Variants in TRPV4 observed in about 807,000 individuals in gnomAD.
TRPV4 encodes transient receptor potential cation channel subfamily V member 4.
Under a neutral mutation model 84.1 loss-of-function variants are expected in TRPV4, and 58 were observed. The ratio of observed to expected loss-of-function variants is 0.69; its 90% CI spans 0.56 to 0.86. The LOEUF (loss-of-function observed/expected upper bound fraction) is 0.86, where lower values mean the gene tolerates loss of function less well. Ranked by LOEUF, TRPV4 falls within the 40% of genes least tolerant of loss-of-function variation. The pLI is 0.00. For synonymous variants in TRPV4, 489 were observed against 500.9 expected (o/e 0.98, Z 0.32); for missense variants, 879 against 1,181.1 (o/e 0.74, Z 3.75).
At chr12:109,808,880 TCCAA>T (rs1170116274) in intron 2 of TRPV4, among the ~76,000 whole-genome samples, 3 of 145,928 alleles carry the variant, frequency 2.1e-5, no homozygotes, top group Admixed American at 6.8e-5. Flanking sequence ...CATCTATCCA[TCCAA>T]CCATCACTCA....
chr12:109,832,779 TCCCCCA>T (rs1236972276), intron 1 of TRPV4: 1 of 145,844 alleles, frequency 6.9e-6, no homozygotes, highest in Non-Finnish European at 1.5e-5. Flanking sequence ...AGTCTCTCTC[TCCCCCA>T]CCCCCACCCC....
intron 1 of TRPV4, among the ~76,000 whole-genome samples, chr12:109,823,951 G>GTC (rs1892180565): frequency 6.6e-6 from 1 of 151,636 alleles, no homozygotes; most frequent in African/African-American, 2.4e-5. Flanking sequence ...TTGTGTGTGT[G>GTC]TGTGTGTGTG....
At chr12:109,792,603 T>TGA (rs1453148569) in intron 11 of TRPV4, 49 bp downstream of exon 11, 1 of 1,610,630 alleles carries the variant, frequency 6.2e-7, no homozygotes, top group African/African-American at 1.3e-5. Flanking sequence ...GGTGTGTGTG[T>TGA]GACTCCCTCC....
At position 109,794,438 on chromosome 12, in the gene TRPV4, TC is replaced by T. The variant is rs1352364397; in HGVS notation, c.1381del (p.Asp461ThrfsTer74). On this transcript the variant is annotated frameshift_variant, in exon 8 of 16. Coordinates refer to ENST00000261740, the MANE Select transcript of TRPV4 (RefSeq NM_021625.5). LOFTEE classifies it high-confidence loss of function. ...GACGGCCCCGAACTTGCGCCACTTG[TC>T]CCGCAGCAGTTCATTGATGGGCTCC... is the stretch of plus-strand genomic sequence containing the variant. ...AVEPINELLR[D>X]KWRKFGAVSF... 4 of 1,613,920 alleles carry T rather than the reference TC, an allele frequency of 2.5e-6. No homozygotes were observed. The highest frequency in any genetic ancestry group is 1.7e-6 in the Non-Finnish European group (2 of 1,180,028).
At chr12:109,797,479 G>C (rs1890477693) in intron 6 of TRPV4, among the ~76,000 whole-genome samples, 1 of 147,330 alleles carries the variant, frequency 6.8e-6, no homozygotes, top group African/African-American at 2.5e-5. Flanking sequence ...TTTGAGACAG[G>C]GTCTGGCTCT....
At chr12:109,816,156 G>C (rs1891832911) in intron 1 of TRPV4, among the ~76,000 whole-genome samples, 1 of 152,228 alleles carries the variant, frequency 6.6e-6, no homozygotes, top group African/African-American at 2.4e-5. Context: ...GCTTCCAGGA[G>C]GGAAGACTTG....
chr12:109,824,760 A>AAAACAAAACC (rs138253376), intron 1 of TRPV4, among the ~76,000 whole-genome samples: 52,678 of 151,734 alleles, frequency 0.35, 11,121 homozygotes, highest in African/African-American at 0.57. Flanking sequence ...CCATCTCAAC[A>AAAACAAAACC]AAACAAAACC....
chr12:109,832,779 T>TCCCCCA (rs1236972276), intron 1 of TRPV4: 4 of 145,844 alleles, frequency 2.7e-5, no homozygotes. Flanking sequence ...AGTCTCTCTC[T>TCCCCCA]CCCCCACCCC....
At chr12:109,794,515 G>A (rs754077536) in intron 7 of TRPV4, 28 bp from the exon 8 acceptor site, 1 of 1,612,878 alleles carries the variant, frequency 6.2e-7, no homozygotes, top group South Asian at 1.1e-5. Context: ...GTCGGGGGCT[G>A]CCTTCCTGAG....
chr12:109,804,216 T>C (rs1245015658), intron 3 of TRPV4, among the ~76,000 whole-genome samples: 1 of 152,206 alleles, frequency 6.6e-6, no homozygotes, highest in Non-Finnish European at 1.5e-5. Context: ...CAAGTTTCTT[T>C]CTGTTGTAGC....
intron 1 of TRPV4, among the ~76,000 whole-genome samples, chr12:109,827,620 C>T (rs1454335157): frequency 1.3e-5 from 2 of 151,902 alleles, no homozygotes; most frequent in Non-Finnish European, 2.9e-5. Flanking sequence ...CATACATACA[C>T]ACAATATACA....
At chr12:109,829,716 A>G (rs1016274068) in intron 1 of TRPV4, among the ~76,000 whole-genome samples, 1 of 152,180 alleles carries the variant, frequency 6.6e-6, no homozygotes, top group Non-Finnish European at 1.5e-5. Context: ...ACACAGGAGG[A>G]AATGGAAGCC....
In TRPV4 at chr12:109,798,964, A is replaced by T. The variant is rs1219576574; in HGVS notation, c.854-52T>A. ...GTCAGCGAAGGGGGCCCAGGGTGGG[A>T]CTCTGCCTGCAGACACTCGGGGGAC... On this transcript the variant is annotated intron_variant, in intron 5 of 15. Coordinates refer to ENST00000261740, the MANE Select transcript of TRPV4 (RefSeq NM_021625.5). The surrounding 1 kb of genome is among the most constrained non-coding windows in gnomAD (Gnocchi z 5.0). 6.4e-7 allele frequency: 1 copy of T among 1,554,972 alleles called. No homozygotes were observed. The highest frequency in any genetic ancestry group is 2.3e-5 in the East Asian group (1 of 44,394).
intron 14 of TRPV4, among the ~76,000 whole-genome samples, chr12:109,785,921 G>C (rs918737999): frequency 2.6e-5 from 4 of 152,106 alleles, no homozygotes; most frequent in African/African-American, 9.7e-5. Context: ...GCTGAGGTGG[G>C]AGGATCGCTT....
rs755050628 is a variant in TRPV4 at position 109,792,823 on chromosome 12, G to A, written c.1659-6C>T. ...CCAGGACAGAGTAGATGAAGCTGCA[G>A]TGCAGCAGAGACCACAAGAGAGGCC... On this transcript the variant is annotated splice_region_variant and splice_polypyrimidine_tract_variant and intron_variant, in intron 10 of 15. Coordinates refer to ENST00000261740, the MANE Select transcript of TRPV4 (RefSeq NM_021625.5). 6.2e-7 allele frequency: 1 copy of A among 1,613,386 alleles called. No individual in the cohort carries two copies. Among genetic ancestry groups the A allele is most frequent in the African/African-American group, 1.3e-5 (1 of 74,942 alleles).
At chr12:109,822,649 G>A (rs1183477249) in intron 1 of TRPV4, among the ~76,000 whole-genome samples, 1 of 152,192 alleles carries the variant, frequency 6.6e-6, no homozygotes, top group East Asian at 1.9e-4. Flanking sequence ...AACTCTGGGA[G>A]GGAGAAGCTG....
At chr12:109,820,311 TCCCCAGACCTTCCTTTCTG>T (rs1306007244) in intron 1 of TRPV4, among the ~76,000 whole-genome samples, 1 of 151,728 alleles carries the variant, frequency 6.6e-6, no homozygotes. Flanking sequence ...TGAGCCAGGG[TCCCCAGACCTTCCTTTCTG>T]CCCTAGACAG....
In TRPV4 at chr12:109,803,051, C is replaced by T. The variant is rs515726168; in HGVS notation, c.652G>A (p.Glu218Lys). The T allele has an allele frequency of 3.1e-6, 5 of 1,614,178 alleles. No homozygotes were observed. Among genetic ancestry groups the T allele is most frequent in the Non-Finnish European group, 4.2e-6 (5 of 1,180,042 alleles). ...AACTCCCTCATGTTGCCGGTGCGCT[C>T]CGCGATGTCCAGCAGCACAGGGATG... ...DTIPVLLDIAERTGNMREFIN... is the reference protein window; with the variant it reads ...DTIPVLLDIAKRTGNMREFIN... The change falls in exon 4 of 16, where the codon GAG becomes AAG. Residue 218 changes from glutamate (E) to lysine (K), a missense_variant. Transcript: ENST00000261740.
intron 14 of TRPV4, among the ~76,000 whole-genome samples, chr12:109,785,268 G>A (rs1489175763): frequency 3.3e-5 from 5 of 152,016 alleles, no homozygotes; most frequent in Non-Finnish European, 7.4e-5. Context: ...CTCTTGCCTC[G>A]CTTCCCAAAG....
Sources: allele counts gnomAD v4.1 joint callset (sites outside exome capture counted in the v4.1 genomes callset), GRCh38; gene constraint gnomAD v4.1.1; non-coding constraint Gnocchi (gnomAD v3.1); transcripts MANE v1.5; gene names NCBI Gene and HGNC (gene_info 2026-07-23, HGNC 2026-07-21).